Variants in HSP90AA1 observed in about 807,000 individuals in gnomAD.
The protein encoded by HSP90AA1 is heat shock protein 90 alpha family class A member 1.
A neutral mutation model predicts 73.3 loss-of-function variants in HSP90AA1; 18 were observed. That is an observed-to-expected ratio of 0.25 (90% confidence interval 0.17 to 0.36). HSP90AA1 has a LOEUF of 0.36. HSP90AA1 is among the 10% of genes least tolerant of loss of function. The pLI is 1.00. For synonymous variants in HSP90AA1, 477 were observed against 296.9 expected (o/e 1.61, Z -6.24); for missense variants, 704 against 874.2 (o/e 0.81, Z 2.45).
At chr14:102,091,529 G>A (rs558101538), upstream of HSP90AA1, among the ~76,000 whole-genome samples, 1 of 152,068 alleles carries the variant, frequency 6.6e-6, no homozygotes. Flanking sequence ...GGGAGGCTGA[G>A]GCAGGACAAT....
intron 1 of HSP90AA1, among the ~76,000 whole-genome samples, chr14:102,135,499 C>T (rs1481700465): frequency 6.6e-6 from 1 of 152,272 alleles, no homozygotes; most frequent in African/African-American, 2.4e-5. Context: ...GCCAGTCCTG[C>T]GCCGTGCGCT....
chr14:102,086,634 G>A (rs1420619541), intron 1 of HSP90AA1, among the ~76,000 whole-genome samples: 2 of 151,132 alleles, frequency 1.3e-5, no homozygotes, highest in Non-Finnish European at 3.0e-5. Context: ...CGAACACCCC[G>A]GGTGCCCTCC....
rs1318532777 is a variant in HSP90AA1 at position 102,124,839 on chromosome 14, TTA to T, written c.155+14409_155+14410del. Among the ~76,000 whole-genome samples the T allele has an allele frequency of 3.9e-5, 6 of 152,090 alleles. 1 individual carries two copies. Among genetic ancestry groups the T allele is most frequent in the East Asian group, 1.9e-4 (1 of 5,198 alleles). On this transcript the variant is annotated intron_variant, in intron 1 of 11. Transcript: ENST00000334701. ...TAAATAATGTGATCATGAATAGAATTTATGTTATGTCTTTTGACCTTAAGTCC... is the reference window on the plus strand; with the variant it reads ...TAAATAATGTGATCATGAATAGAATTTGTTATGTCTTTTGACCTTAAGTCC...
chr14:102,083,531 A>T lies in HSP90AA1; in HGVS notation c.1486+15T>A. The T allele has an allele frequency of 6.2e-7, 1 of 1,611,982 alleles. No individual in the cohort carries two copies. The highest frequency in any genetic ancestry group is 2.2e-5 in the East Asian group (1 of 44,872). On this transcript the variant is annotated intron_variant, in intron 8 of 10. Coordinates refer to ENST00000216281, the MANE Select transcript of HSP90AA1 (RefSeq NM_005348.4). ...TAAGAACGACGTGTATGACTGTAAC[A>T]TAGTGTTCTCTTACCTGTGATATAA... is the stretch of plus-strand genomic sequence containing the variant.
intron 2 of HSP90AA1, among the ~76,000 whole-genome samples, chr14:102,099,429 A>G (rs1335241411): frequency 6.6e-6 from 1 of 152,152 alleles, no homozygotes; most frequent in Non-Finnish European, 1.5e-5. Flanking sequence ...GCGGTGGCGC[A>G]TGCCTGTAAT....
intron 1 of HSP90AA1, among the ~76,000 whole-genome samples, chr14:102,134,254 G>A (rs2049949358): frequency 6.7e-6 from 1 of 148,646 alleles, no homozygotes; most frequent in African/African-American, 2.5e-5. Flanking sequence ...GGGCCTAGGA[G>A]GTGGAGGTTG....
chr14:102,112,284 T>C (rs1281532752), intron 1 of HSP90AA1, among the ~76,000 whole-genome samples: 1 of 152,198 alleles, frequency 6.6e-6, no homozygotes, highest in Non-Finnish European at 1.5e-5. Context: ...GCAATTCTCC[T>C]GCCTCAGCCT....
At chr14:102,090,406 C>A (rs11621560), upstream of HSP90AA1, among the ~76,000 whole-genome samples, 87,265 of 151,604 alleles carry the variant, frequency 0.58, 26,875 homozygotes, top group East Asian at 0.78. Flanking sequence ...CCTGCTTCAC[C>A]GCCTTTTCTG....
intron 7 of HSP90AA1, 39 bp from the exon 8 acceptor site, chr14:102,083,732 T>TAA (rs201649309): frequency 0.02 from 26,966 of 1,340,260 alleles, 10 homozygotes; most frequent in African/African-American, 0.03. Flanking sequence ...CTTTCTGAAT[T>TAA]AAAAAAAAAA....
chr14:102,122,516 T>C (rs1033727166), intron 1 of HSP90AA1, among the ~76,000 whole-genome samples: 2 of 151,882 alleles, frequency 1.3e-5, no homozygotes, highest in African/African-American at 4.8e-5. Context: ...CTCCTGATCT[T>C]GTGATCCACC....
At chr14:102,102,232 A>G (rs961863571) in intron 1 of HSP90AA1, 24 of 725,944 alleles carry the variant, frequency 3.3e-5, no homozygotes, top group Non-Finnish European at 4.2e-5. Flanking sequence ...AAAATATGTG[A>G]TATGTTCTCT....
At chr14:102,134,995 T>A (rs759887767) in intron 1 of HSP90AA1, among the ~76,000 whole-genome samples, 2 of 149,854 alleles carry the variant, frequency 1.3e-5, no homozygotes, top group Non-Finnish European at 2.9e-5. Flanking sequence ...CCCATCAGAT[T>A]AGTTAGATAC....
At chr14:102,132,182 C>T (rs1289150752) in intron 1 of HSP90AA1, among the ~76,000 whole-genome samples, 1 of 152,064 alleles carries the variant, frequency 6.6e-6, no homozygotes, top group Non-Finnish European at 1.5e-5. Context: ...TCCTGGCCAA[C>T]ATGGTGAAAC....
At position 102,108,843 on chromosome 14, in the gene HSP90AA1, G is replaced by A. The variant is rs558599980; in HGVS notation, c.156-6758C>T. Among the ~76,000 whole-genome samples the A allele has an allele frequency of 5.3e-5, 8 of 152,162 alleles. 1 individual carries two copies. Among genetic ancestry groups the A allele is most frequent in the African/African-American group, 1.4e-4 (6 of 41,534 alleles). On this transcript the variant is annotated intron_variant, in intron 1 of 11. Transcript: ENST00000334701. ...AGCCACTGAGCCCAGCCCCTCATTTGTAACTCTTATCTGATTGCTTTGGCT... is the reference window on the plus strand; with the variant it reads ...AGCCACTGAGCCCAGCCCCTCATTTATAACTCTTATCTGATTGCTTTGGCT...
chr14:102,082,593 GAGCAC>G lies in HSP90AA1; in HGVS notation c.1756-154_1756-150del, dbSNP rs567726338. ...TTAAATGTCGCATTAGGTATCCAAA[GAGCAC>G]AGGTTATAATTTCATGTTTTACATG... On this transcript the variant is annotated intron_variant, in intron 9 of 10. Coordinates refer to ENST00000216281, the MANE Select transcript of HSP90AA1 (RefSeq NM_005348.4). The G allele has an allele frequency of 6.8e-4, 458 of 677,250 alleles. 2 individuals carry two copies. The African/African-American group carries it at 7.5e-3, about 11-fold the overall frequency. The allele number at this position is 677,250 out of a possible 1,614,324, so 42.0% of individuals were successfully genotyped here.
chr14:102,086,990 G>A lies in HSP90AA1; in HGVS notation c.-5C>T, dbSNP rs933670133. On this transcript the variant is annotated 5_prime_UTR_variant, in exon 1 of 11. Coordinates refer to ENST00000216281, the MANE Select transcript of HSP90AA1 (RefSeq NM_005348.4). The stretch of plus-strand genomic sequence containing the variant: ...GCCCCCACAACCACCCGTCACCTTG[G>A]CTAAGTGACCGCACAGGACCAACGG... 5 of 985,150 alleles carry A rather than the reference G, an allele frequency of 5.1e-6. No individual in the cohort carries two copies. Among genetic ancestry groups the A allele is most frequent in the Non-Finnish European group, 6.0e-6 (5 of 830,106 alleles). 61.0% of individuals were successfully genotyped at this position (985,150 alleles called of 1,614,324 possible).
intron 1 of HSP90AA1, 139 bp downstream of exon 1, chr14:102,086,847 T>G: frequency 5.6e-6 from 2 of 354,328 alleles, no homozygotes; most frequent in Non-Finnish European, 7.9e-6. Context: ...GCCTCCGGAA[T>G]AGAAAGCGCG....
intron 2 of HSP90AA1, among the ~76,000 whole-genome samples, chr14:102,101,521 C>T (rs556894232): frequency 6.6e-6 from 1 of 152,248 alleles, no homozygotes; most frequent in Non-Finnish European, 1.5e-5. Context: ...TGCTGTCCTC[C>T]GTGAGTGGGT....
intron 1 of HSP90AA1, among the ~76,000 whole-genome samples, chr14:102,130,644 G>A (rs751385975): frequency 1.1e-4 from 16 of 152,296 alleles, no homozygotes; most frequent in Non-Finnish European, 2.2e-4. Context: ...GTCTTGCTCT[G>A]TTGCTCAGGC....
Sources: gnomAD v4.1 joint callset for allele counts (sites outside exome capture counted in the v4.1 genomes callset) on GRCh38, gnomAD v4.1.1 for gene constraint, MANE v1.5 for transcripts, NCBI Gene and HGNC (gene_info 2026-07-23, HGNC 2026-07-21) for gene names.